LMBRD1: variants seen among roughly 807,000 people sequenced by gnomAD.
The protein encoded by LMBRD1 is lysosomal cobalamin transport escort protein LMBD1.
LMBRD1 carries 64 observed loss-of-function variants against 74.8 expected under a neutral mutation model. The ratio of observed to expected loss-of-function variants is 0.86; its 90% confidence interval spans 0.70 to 1.05. The LOEUF (loss-of-function observed/expected upper bound fraction) is 1.05, where lower values mean the gene tolerates loss of function less well. Ranked by LOEUF, LMBRD1 falls within the 50% of genes least tolerant of loss-of-function variation. LMBRD1 has a pLI of 0.00. For synonymous variants in LMBRD1, 204 were observed against 216.3 expected (o/e 0.94, Z 0.50); for missense variants, 652 against 645.9 (o/e 1.01, Z -0.10).
intron 8 of LMBRD1, among the ~76,000 whole-genome samples, chr6:69,714,299 T>C (rs1176009578): frequency 6.6e-6 from 1 of 151,970 alleles, no homozygotes; most frequent in Non-Finnish European, 1.5e-5. Flanking sequence ...GAGGTTTTTG[T>C]AACAATTGCT....
At chr6:69,783,883 A>C (rs994494560) in intron 2 of LMBRD1, among the ~76,000 whole-genome samples, 1 of 152,210 alleles carries the variant, frequency 6.6e-6, no homozygotes, top group African/African-American at 2.4e-5. Context: ...AAAAATAAAA[A>C]GTCTGAAGGT....
chr6:69,709,295 C>T (rs999100676), intron 9 of LMBRD1, among the ~76,000 whole-genome samples: 1 of 151,336 alleles, frequency 6.6e-6, no homozygotes, highest in Admixed American at 6.6e-5. Flanking sequence ...CTGAATTACA[C>T]CAATTGTAGA....
intron 1 of LMBRD1, among the ~76,000 whole-genome samples, chr6:69,792,299 C>T (rs1766104775): frequency 6.6e-6 from 1 of 152,202 alleles, no homozygotes; most frequent in South Asian, 2.1e-4. Flanking sequence ...GTTGAGATCC[C>T]ACCAGTGTTT....
At chr6:69,699,252 CT>C in intron 12 of LMBRD1, 60 bp from the exon 13 acceptor site, 1 of 1,434,176 alleles carries the variant, frequency 7.0e-7, no homozygotes. Context: ...GCATTAAATC[CT>C]TTTCTTGTGT....
At chr6:69,782,253 G>A (rs1765850645) in intron 2 of LMBRD1, among the ~76,000 whole-genome samples, 1 of 152,226 alleles carries the variant, frequency 6.6e-6, no homozygotes, top group African/African-American at 2.4e-5. Context: ...AAAGCGATAA[G>A]CTAGCCCAAA....
intron 6 of LMBRD1, among the ~76,000 whole-genome samples, chr6:69,739,482 T>G (rs1767050680): frequency 6.7e-6 from 1 of 148,824 alleles, no homozygotes; most frequent in Non-Finnish European, 1.5e-5. Context: ...ATTACTCTGC[T>G]GCAATAAAAA....
At chr6:69,752,488 C>CTA in intron 3 of LMBRD1, 132 bp from the exon 4 acceptor site, 3 of 719,698 alleles carry the variant, frequency 4.2e-6, no homozygotes, top group Non-Finnish European at 7.0e-6. Flanking sequence ...ATAACTCTTT[C>CTA]TATATAGTAC....
chr6:69,781,167 T>C (rs1765826801), intron 2 of LMBRD1, among the ~76,000 whole-genome samples: 1 of 152,192 alleles, frequency 6.6e-6, no homozygotes, highest in Non-Finnish European at 1.5e-5. Flanking sequence ...AAAATCAGTC[T>C]AATCTCCTTT....
intron 3 of LMBRD1, among the ~76,000 whole-genome samples, chr6:69,775,293 TCACAAGGAGAAGCAG>T (rs1430715997): frequency 1.3e-5 from 2 of 152,102 alleles, no homozygotes; most frequent in African/African-American, 4.8e-5. Flanking sequence ...TGGGGAGTGC[TCACAAGGAGAAGCAG>T]CAGGCAGCCT....
At chr6:69,696,142 T>C (rs907917421) in intron 14 of LMBRD1, among the ~76,000 whole-genome samples, 2 of 152,182 alleles carry the variant, frequency 1.3e-5, no homozygotes, top group Non-Finnish European at 1.5e-5. Flanking sequence ...CCAAAATTAA[T>C]CAAAGTACTC....
Position 69,683,138 on chromosome 6 carries a change from C to A in LMBRD1, c.1418-6597G>T, listed in dbSNP as rs77829755. On this transcript the variant is annotated intron_variant, in intron 14 of 15. Coordinates refer to ENST00000649934, the MANE Select transcript of LMBRD1 (RefSeq NM_018368.4). ...AAGAACCTCAACATCAGGAGACTTT[C>A]TAGATCCCCAGCAACATCCAAGAAA... Among the ~76,000 whole-genome samples, 416 of 152,082 alleles carry A rather than the reference C, an allele frequency of 2.7e-3. 12 individuals carry two copies. The East Asian group carries it at 0.07, about 26-fold the overall frequency.
At chr6:69,684,897 T>C (rs1478695405) in intron 14 of LMBRD1, among the ~76,000 whole-genome samples, 2 of 152,172 alleles carry the variant, frequency 1.3e-5, no homozygotes, top group Admixed American at 6.5e-5. Flanking sequence ...TAACATCTTA[T>C]GTTACTTTAA....
chr6:69,744,287 T>C (rs1370842247), intron 5 of LMBRD1, among the ~76,000 whole-genome samples: 1 of 152,222 alleles, frequency 6.6e-6, no homozygotes, highest in Non-Finnish European at 1.5e-5. Context: ...AAGCCATTTA[T>C]GCCTATTGTT....
At chr6:69,796,770 C>T in intron 1 of LMBRD1, 43 bp downstream of exon 1, 2 of 1,582,728 alleles carry the variant, frequency 1.3e-6, no homozygotes, top group Non-Finnish European at 1.7e-6. Flanking sequence ...CTCCCTTCCT[C>T]CCCCAGTCCA....
intron 2 of LMBRD1, among the ~76,000 whole-genome samples, chr6:69,785,526 T>G (rs1765927243): frequency 6.6e-6 from 1 of 152,182 alleles, no homozygotes; most frequent in African/African-American, 2.4e-5. Flanking sequence ...GCCCTCTTAT[T>G]CCTCTAAGTT....
chr6:69,723,229 T>A (rs1032329263), intron 7 of LMBRD1, among the ~76,000 whole-genome samples: 1 of 152,082 alleles, frequency 6.6e-6, no homozygotes, highest in Admixed American at 6.5e-5. Context: ...AATGGAGACT[T>A]CAACACCCCA....
chr6:69,727,331 C>G (rs1321116794), intron 7 of LMBRD1, among the ~76,000 whole-genome samples: 1 of 152,106 alleles, frequency 6.6e-6, no homozygotes, highest in African/African-American at 2.4e-5. Flanking sequence ...ACTACGTACC[C>G]ACGAAAATTA....
chr6:69,754,294 A>T (rs79064492), intron 3 of LMBRD1, among the ~76,000 whole-genome samples: 2 of 151,320 alleles, frequency 1.3e-5, no homozygotes, highest in Non-Finnish European at 2.9e-5. Flanking sequence ...TAAAAAAAAA[A>T]TACGGAAAAA....
chr6:69,714,441 C>T (rs1766449076), intron 8 of LMBRD1, among the ~76,000 whole-genome samples: 1 of 152,152 alleles, frequency 6.6e-6, no homozygotes, highest in Non-Finnish European at 1.5e-5. Context: ...GTACCTTTCT[C>T]ATCATATCTC....
Sources: gnomAD v4.1 joint callset for allele counts (sites outside exome capture counted in the v4.1 genomes callset) on GRCh38, gnomAD v4.1.1 for gene constraint, MANE v1.5 for transcripts, NCBI Gene and HGNC (gene_info 2026-07-23, HGNC 2026-07-21) for gene names.